WDR49: variants seen among roughly 807,000 people sequenced by gnomAD.
WDR49 encodes the protein WD repeat domain 49.
A neutral mutation model predicts 119.5 loss-of-function variants in WDR49; 107 were observed. That is an observed-to-expected ratio of 0.90 (90% confidence interval 0.77 to 1.05). The LOEUF is 1.05. Ranked by LOEUF, WDR49 falls within the 50% of genes least tolerant of loss-of-function variation. The probability of loss-of-function intolerance (pLI) is 0.00; values close to 1 mark genes in which losing one functional copy is unlikely to be tolerated. For synonymous variants in WDR49, 425 were observed against 418.8 expected, an observed-to-expected ratio of 1.01 and a Z score of -0.18; for missense variants, 1,240 against 1,220.5, an observed-to-expected ratio of 1.02 and a Z score of -0.24.
In WDR49 at chr3:167,576,042, C is replaced by G. The variant is rs377458886; in HGVS notation, c.1385G>C (p.Gly462Ala). The G allele has an allele frequency of 4.3e-6, 7 of 1,613,994 alleles. No individual in the cohort carries two copies. In the African/African-American group the frequency reaches 8.0e-5, roughly 18 times the overall value. The change falls in exon 8 of 19, where the codon GGA becomes GCA. Residue 462 changes from glycine to alanine, a missense_variant. Coordinates refer to ENST00000682715, the MANE Select transcript of WDR49 (RefSeq NM_001366157.1). ...RCLFHFDEAH[G>A]RLFISFNNQL... Reference sequence around the variant, plus strand: ...GTTATTAAACGAGATGAAAAGTCGTCCATGGGCTTCATCAAAGTGGAAGAG... The same window carrying G: ...GTTATTAAACGAGATGAAAAGTCGTGCATGGGCTTCATCAAAGTGGAAGAG...
chr3:167,638,191 C>T (rs1717713370), intron 2 of WDR49, among the ~76,000 whole-genome samples: 1 of 151,492 alleles, frequency 6.6e-6, no homozygotes. Flanking sequence ...GATAACTTTC[C>T]ATAATTTTGA....
intron 18 of WDR49, among the ~76,000 whole-genome samples, chr3:167,484,780 T>G (rs372888237): frequency 4.6e-5 from 7 of 151,290 alleles, no homozygotes; most frequent in African/African-American, 1.7e-4. Flanking sequence ...GATGGTGGAA[T>G]ACCACGGGTA....
At chr3:167,574,367 C>T (rs1714121275) in intron 8 of WDR49, among the ~76,000 whole-genome samples, 1 of 152,156 alleles carries the variant, frequency 6.6e-6, no homozygotes, top group Non-Finnish European at 1.5e-5. Context: ...TTTCTTTGTA[C>T]TTTTCTGCAA....
At chr3:167,635,647 G>A (rs1404067012) in intron 2 of WDR49, among the ~76,000 whole-genome samples, 2 of 151,492 alleles carry the variant, frequency 1.3e-5, no homozygotes, top group South Asian at 2.1e-4. Context: ...ACTTGGTCTG[G>A]GTATTTTCTC....
In WDR49 at chr3:167,621,485, A is replaced by C. The variant is rs1177149452; in HGVS notation, c.765T>G (p.Phe255Leu). 1 of 1,533,252 alleles carries C rather than the reference A, an allele frequency of 6.5e-7. No homozygotes were observed. The highest frequency in any genetic ancestry group is 2.0e-5 in the Admixed American group (1 of 50,726). 95.0% of individuals were successfully genotyped at this position (1,533,252 alleles called of 1,614,324 possible). The change falls in exon 4 of 19, where the codon TTT becomes TTG. Residue 255 changes from phenylalanine to leucine, a missense_variant. Coordinates refer to ENST00000682715, the MANE Select transcript of WDR49 (RefSeq NM_001366157.1). Reference protein sequence around the residue: ...PLDANESILSFGDITGKVQAI... With the variant: ...PLDANESILSLGDITGKVQAI... ...CACTTACCTTTCCAGTTATATCCCCAAAAGAAAGAATTGATTCATTGGCAT... is the reference window on the plus strand; with the variant it reads ...CACTTACCTTTCCAGTTATATCCCCCAAAGAAAGAATTGATTCATTGGCAT...
intron 8 of WDR49, among the ~76,000 whole-genome samples, chr3:167,570,550 A>T (rs1340716937): frequency 1.3e-5 from 2 of 152,234 alleles, no homozygotes; most frequent in East Asian, 1.9e-4. Context: ...AAGATAAGGT[A>T]ACTATAAATT....
intron 7 of WDR49, among the ~76,000 whole-genome samples, chr3:167,578,518 T>TTAC (rs1185420652): frequency 3.9e-5 from 6 of 152,064 alleles, no homozygotes; most frequent in Non-Finnish European, 7.4e-5. Context: ...AGAAGAAAAA[T>TTAC]TACTAATACT....
chr3:167,600,751 G>C (rs1045840218), intron 7 of WDR49, among the ~76,000 whole-genome samples: 1 of 152,180 alleles, frequency 6.6e-6, no homozygotes, highest in African/African-American at 2.4e-5. Context: ...AAATGTGGAG[G>C]ATAAATAGGC....
chr3:167,639,604 A>G (rs2108338679), intron 2 of WDR49, among the ~76,000 whole-genome samples: 1 of 151,956 alleles, frequency 6.6e-6, no homozygotes, highest in African/African-American at 2.4e-5. Flanking sequence ...TTAGAAGCCT[A>G]AAGCTTTATA....
At chr3:167,632,185 G>T (rs1717406269) in intron 2 of WDR49, among the ~76,000 whole-genome samples, 1 of 151,988 alleles carries the variant, frequency 6.6e-6, no homozygotes, top group African/African-American at 2.4e-5. Context: ...TTAAAAGCAG[G>T]ATCTCTATAT....
chr3:167,655,584 C>T (rs1718573545), upstream of WDR49, among the ~76,000 whole-genome samples: 1 of 151,954 alleles, frequency 6.6e-6, no homozygotes, highest in African/African-American at 2.4e-5. Context: ...TCTCATTATT[C>T]TTTCAAAAAA....
At chr3:167,620,216 T>C (rs973001060) in intron 5 of WDR49, among the ~76,000 whole-genome samples, 8 of 151,940 alleles carry the variant, frequency 5.3e-5, no homozygotes, top group Non-Finnish European at 8.8e-5. Context: ...TCACCTGAAT[T>C]AATTGTATGA....
Position 167,505,446 on chromosome 3 carries a change from A to G in WDR49, c.2775-30T>C, listed in dbSNP as rs778482326. 20 of 1,491,004 alleles carry G rather than the reference A, an allele frequency of 1.3e-5. No individual in the cohort carries two copies. In the African/African-American group the frequency reaches 1.9e-4, roughly 14 times the overall value. 92.4% of individuals were successfully genotyped at this position (1,491,004 alleles called of 1,614,324 possible). ...AAGAAAATATTTCATGATGAAATAC[A>G]TTATTAACCACAGGGATGGAGAAAC... On this transcript the variant is annotated intron_variant, in intron 16 of 18. Transcript: ENST00000682715.
intron 6 of WDR49, among the ~76,000 whole-genome samples, chr3:167,602,831 C>T (rs1164412097): frequency 6.6e-6 from 1 of 152,122 alleles, no homozygotes; most frequent in Non-Finnish European, 1.5e-5. Context: ...GGTATTTTTA[C>T]TGTACCTTTT....
chr3:167,501,507 A>G (rs1399931060), intron 17 of WDR49, among the ~76,000 whole-genome samples: 1 of 152,222 alleles, frequency 6.6e-6, no homozygotes, highest in Non-Finnish European at 1.5e-5. Context: ...GGAGTAGATT[A>G]GTTGATAAAT....
At chr3:167,596,635 C>T (rs1404178206) in intron 7 of WDR49, among the ~76,000 whole-genome samples, 3 of 143,762 alleles carry the variant, frequency 2.1e-5, no homozygotes, top group South Asian at 2.2e-4. Context: ...AAACCAAACA[C>T]CGCATATTCT....
rs570644594 is a variant in WDR49 at position 167,555,642 on chromosome 3, GGAGGACACCCAACTGGT to G, written c.1675-861_1675-845del. Among the ~76,000 whole-genome samples the G allele has an allele frequency of 1.7e-4, 26 of 152,228 alleles. No homozygotes were observed. In the South Asian group the frequency reaches 5.4e-3, roughly 32 times the overall value. ...GACAGTGTCAGAATAGAATTGAATTGGAGGACACCCAACTGGTGTCCTCTGTAAAATCTACCACAGAA... is the reference window on the plus strand; with the variant it reads ...GACAGTGTCAGAATAGAATTGAATTGGTCCTCTGTAAAATCTACCACAGAA... On this transcript the variant is annotated intron_variant, in intron 9 of 18. Coordinates refer to ENST00000682715, the MANE Select transcript of WDR49 (RefSeq NM_001366157.1).
chr3:167,654,829 G>T (rs139258854), upstream of WDR49, among the ~76,000 whole-genome samples: 2 of 151,946 alleles, frequency 1.3e-5, no homozygotes, highest in African/African-American at 2.4e-5. Flanking sequence ...AACCTGGGGG[G>T]CAGAGGTTGC....
intron 10 of WDR49, among the ~76,000 whole-genome samples, chr3:167,550,506 G>A (rs1712491712): frequency 6.6e-6 from 1 of 151,978 alleles, no homozygotes; most frequent in African/African-American, 2.4e-5. Context: ...ATGTGTGCAT[G>A]TCTAGACTTT....
Sources: allele counts gnomAD v4.1 joint callset (sites outside exome capture counted in the v4.1 genomes callset), GRCh38; gene constraint gnomAD v4.1.1; transcripts MANE v1.5; gene names NCBI Gene and HGNC (gene_info 2026-07-23, HGNC 2026-07-21).